Variants in FAT3 observed in about 807,000 individuals in gnomAD.
The protein encoded by FAT3 is FAT atypical cadherin 3.
Under a neutral mutation model 310.2 loss-of-function variants are expected in FAT3, and 95 were observed. The ratio of observed to expected loss-of-function variants is 0.31; its 90% CI spans 0.26 to 0.36. The LOEUF (loss-of-function observed/expected upper bound fraction) is 0.36. FAT3 is among the 10% of genes least tolerant of loss of function. The pLI is 1.00. For synonymous variants in FAT3, 2,314 were observed against 2,192.9 expected, an observed-to-expected ratio of 1.06 and a Z score of -1.54; for missense variants, 5,408 against 5,715.6, an observed-to-expected ratio of 0.95 and a Z score of 1.74.
At chr11:92,626,438 A>G (rs1941338256) in intron 3 of FAT3, among the ~76,000 whole-genome samples, 1 of 152,104 alleles carries the variant, frequency 6.6e-6, no homozygotes, top group Admixed American at 6.6e-5. Context: ...TTAGATCAAG[A>G]AAAAGGGAAT....
intron 3 of FAT3, among the ~76,000 whole-genome samples, chr11:92,570,505 G>T (rs1221679816): frequency 6.6e-6 from 1 of 152,084 alleles, no homozygotes; most frequent in Non-Finnish European, 1.5e-5. Flanking sequence ...ATGGGCCCTT[G>T]TATACCCATC....
chr11:92,457,346 T>C (rs942131887), intron 2 of FAT3, among the ~76,000 whole-genome samples: 2 of 152,032 alleles, frequency 1.3e-5, no homozygotes, highest in African/African-American at 4.8e-5. Context: ...GAAGGAAGAA[T>C]TGCAGGTCTA....
At chr11:92,665,556 T>C (rs1942922943) in intron 3 of FAT3, among the ~76,000 whole-genome samples, 1 of 152,182 alleles carries the variant, frequency 6.6e-6, no homozygotes, top group Admixed American at 6.5e-5. Context: ...TGAATTGAAT[T>C]GTAAAGAAAT....
chr11:92,567,083 C>T (rs1449173021), intron 3 of FAT3, among the ~76,000 whole-genome samples: 1 of 152,062 alleles, frequency 6.6e-6, no homozygotes, highest in Non-Finnish European at 1.5e-5. Flanking sequence ...AAGAAACTGC[C>T]ATCAGAGTGA....
chr11:92,605,727 T>TTG (rs1940254478), intron 3 of FAT3, among the ~76,000 whole-genome samples: 1 of 148,890 alleles, frequency 6.7e-6, no homozygotes, highest in South Asian at 2.1e-4. Flanking sequence ...ATGTTTTTTT[T>TTG]TTTTTTTTTT....
intron 2 of FAT3, among the ~76,000 whole-genome samples, chr11:92,435,712 G>T (rs1173470495): frequency 6.6e-6 from 1 of 151,634 alleles, no homozygotes; most frequent in African/African-American, 2.4e-5. Context: ...TTAAAGGTGT[G>T]TGCCACCACA....
At chr11:92,577,628 T>G (rs7944711) in intron 3 of FAT3, among the ~76,000 whole-genome samples, 53,605 of 151,878 alleles carry the variant, frequency 0.35, 10,373 homozygotes, top group Non-Finnish European at 0.45. Flanking sequence ...TTAACAGCAG[T>G]CACCTTACTG....
In FAT3 at chr11:92,491,851, C is replaced by G. The variant is rs1952608328; in HGVS notation, c.3293-32783C>G. On this transcript the variant is annotated intron_variant, in intron 2 of 27. Transcript: ENST00000525166. The stretch of plus-strand genomic sequence containing the variant: ...TGGGTAGCCTGGCCATGGCTCTTGA[C>G]AGACCTGTGCTTATTTTCTTTCAGT... 2.6e-5 allele frequency among the ~76,000 whole-genome samples: 4 copies of G among 152,038 alleles called. No homozygotes were observed. In the South Asian group the frequency reaches 8.3e-4, roughly 31 times the overall value.
At chr11:92,742,924 C>T (rs182258048) in intron 4 of FAT3, among the ~76,000 whole-genome samples, 147 of 152,162 alleles carry the variant, frequency 9.7e-4, no homozygotes, top group African/African-American at 3.3e-3. Flanking sequence ...GTAGGTGTAG[C>T]GGTGTTAGAC....
chr11:92,812,148 C>G (rs745802461), intron 13 of FAT3, among the ~76,000 whole-genome samples: 1 of 152,144 alleles, frequency 6.6e-6, no homozygotes, highest in Non-Finnish European at 1.5e-5. Context: ...CACTTACTGC[C>G]TCAAAAGTGA....
intron 3 of FAT3, among the ~76,000 whole-genome samples, chr11:92,531,340 T>C (rs1954065012): frequency 6.6e-6 from 1 of 152,122 alleles, no homozygotes; most frequent in Non-Finnish European, 1.5e-5. Flanking sequence ...TTTTCTGCAT[T>C]GTCATTATGT....
chr11:92,657,885 T>C (rs1010536769), intron 3 of FAT3, among the ~76,000 whole-genome samples: 1 of 152,180 alleles, frequency 6.6e-6, no homozygotes, highest in African/African-American at 2.4e-5. Context: ...TGACAATATC[T>C]GAAATTTCAC....
chr11:92,857,246 G>T lies in FAT3; in HGVS notation c.11398G>T (p.Val3800Leu). Reference sequence around the variant, plus strand: ...GTGTCCGGGGTCCAACGATCCTTGTGTGGAGAAGCCGTGTCCAGGGGACAT... The same window carrying T: ...GTGTCCGGGGTCCAACGATCCTTGTTTGGAGAAGCCGTGTCCAGGGGACAT... Reference protein sequence around the residue: ...GLCPGSNDPCVEKPCPGDMQC... With the variant: ...GLCPGSNDPCLEKPCPGDMQC... Residue 3800 changes from valine to leucine, a missense_variant, in exon 20 of 28, where the codon GTG becomes TTG. This residue lies in a region of FAT3 where 4,588 missense variants were observed against 4,809.8 expected (regional missense o/e 0.95). Coordinates refer to ENST00000525166, the MANE Select transcript of FAT3 (RefSeq NM_001367949.2). 6.2e-7 allele frequency: 1 copy of T among 1,614,002 alleles called. No homozygotes were observed. The highest frequency in any genetic ancestry group is 1.1e-5 in the South Asian group (1 of 91,076).
intron 3 of FAT3, 119 bp from the exon 4 acceptor site, chr11:92,697,265 A>T: frequency 1.4e-6 from 1 of 702,940 alleles, no homozygotes; most frequent in Non-Finnish European, 2.4e-6. Context: ...GTCATGGGGG[A>T]TTGGAAAGTT....
intron 3 of FAT3, among the ~76,000 whole-genome samples, chr11:92,605,422 A>G (rs1361966121): frequency 2.0e-5 from 3 of 152,218 alleles, no homozygotes; most frequent in African/African-American, 7.2e-5. Flanking sequence ...TCAGCCATGA[A>G]CATAGAAGAA....
intron 1 of FAT3, among the ~76,000 whole-genome samples, chr11:92,346,744 A>G (rs898187784): frequency 3.8e-4 from 58 of 152,168 alleles, no homozygotes; most frequent in African/African-American, 1.3e-3. Context: ...CCCCAAAGTC[A>G]CCCAGCCACT....
intron 1 of FAT3, among the ~76,000 whole-genome samples, 186 bp from the exon 2 acceptor site, chr11:92,351,910 A>G (rs1299028995): frequency 2.0e-5 from 3 of 152,234 alleles, no homozygotes; most frequent in Non-Finnish European, 4.4e-5. Flanking sequence ...GCTAAATTCT[A>G]GTAATCTTAA....
intron 2 of FAT3, among the ~76,000 whole-genome samples, chr11:92,478,789 A>T (rs540639207): frequency 1.3e-5 from 2 of 151,754 alleles, no homozygotes; most frequent in South Asian, 2.1e-4. Flanking sequence ...GCTACTAAAA[A>T]TTTTTTGTAT....
intron 2 of FAT3, among the ~76,000 whole-genome samples, chr11:92,409,205 A>G (rs755958560): frequency 2.0e-5 from 3 of 152,000 alleles, no homozygotes; most frequent in Admixed American, 6.6e-5. Context: ...TCACCACAGT[A>G]TATTTGCTTT....
Sources: gnomAD v4.1 joint callset for allele counts (sites outside exome capture counted in the v4.1 genomes callset) on GRCh38, gnomAD v4.1.1 for gene constraint, gnomAD v4.1.1 regional missense constraint, MANE v1.5 for transcripts, NCBI Gene and HGNC (gene_info 2026-07-23, HGNC 2026-07-21) for gene names.